Variants in TAFA4 observed in about 807,000 individuals in gnomAD.
TAFA4 encodes the protein chemokine-like protein TAFA-4.
Under a neutral mutation model 21.1 loss-of-function variants are expected in TAFA4, and 20 were observed. That is an observed-to-expected ratio of 0.95 (90% CI 0.67 to 1.38). The LOEUF is 1.38. Ranked by LOEUF, TAFA4 falls within the 40% of genes most tolerant of loss-of-function variation. TAFA4 has a pLI of 0.00. For synonymous variants in TAFA4, 71 were observed against 67.4 expected, an observed-to-expected ratio of 1.05 and a Z score of -0.26; for missense variants, 211 against 180.9, an observed-to-expected ratio of 1.17 and a Z score of -0.95.
rs1466735118 is a variant in TAFA4 at position 68,736,638 on chromosome 3, G to A, written c.411+2437C>T. On this transcript the variant is annotated intron_variant, in intron 5 of 5. Transcript: ENST00000295569. ...CAGTTTAGTTAATACGTCCTCTAGG[G>A]AGACAATTGCTCTGCTTTTCTAGGA... is the stretch of plus-strand genomic sequence containing the variant. Among the ~76,000 whole-genome samples the A allele has an allele frequency of 3.3e-5, 5 of 152,182 alleles. No homozygotes were observed. In the East Asian group the frequency reaches 7.7e-4, roughly 24 times the overall value.
At chr3:68,891,204 A>G (rs1376977266) in intron 1 of TAFA4, among the ~76,000 whole-genome samples, 1 of 152,254 alleles carries the variant, frequency 6.6e-6, no homozygotes, top group Non-Finnish European at 1.5e-5. Flanking sequence ...GAAGGAATTC[A>G]GCACCAAAAC....
At chr3:68,900,391 G>A (rs1304672658) in intron 1 of TAFA4, among the ~76,000 whole-genome samples, 1 of 151,858 alleles carries the variant, frequency 6.6e-6, no homozygotes. Context: ...AATTCCAATA[G>A]TATCCAGCTT....
intron 3 of TAFA4, among the ~76,000 whole-genome samples, chr3:68,783,717 G>A (rs201128397): frequency 0.063 from 4,164 of 66,274 alleles, 119 homozygotes; most frequent in Non-Finnish European, 0.11. Context: ...GAAAGAAAAA[G>A]AAAGAAAGAA....
chr3:68,878,699 C>T (rs1445528960), intron 3 of TAFA4, among the ~76,000 whole-genome samples: 1 of 152,178 alleles, frequency 6.6e-6, no homozygotes, highest in Admixed American at 6.5e-5. Context: ...TGTATGTGAT[C>T]TCCTGCCTGC....
intron 2 of TAFA4, 49 bp from the exon 3 acceptor site, chr3:68,880,894 C>A: frequency 6.7e-7 from 1 of 1,484,262 alleles, no homozygotes; most frequent in Admixed American, 1.7e-5. Context: ...GAAGGCCAGA[C>A]TCCCTGGCAA....
chr3:68,930,993 G>C (rs1471874288), intron 1 of TAFA4, among the ~76,000 whole-genome samples: 1 of 152,174 alleles, frequency 6.6e-6, no homozygotes, highest in African/African-American at 2.4e-5. Flanking sequence ...CTCAGCGAGT[G>C]TTCTAGAGGG....
chr3:68,735,337 G>C (rs1230934846), intron 5 of TAFA4, among the ~76,000 whole-genome samples: 1 of 152,068 alleles, frequency 6.6e-6, no homozygotes, highest in Non-Finnish European at 1.5e-5. Flanking sequence ...TCTCAACAGG[G>C]AGGGAACCTG....
intron 3 of TAFA4, among the ~76,000 whole-genome samples, chr3:68,785,216 A>C (rs1267817050): frequency 6.6e-6 from 1 of 152,252 alleles, no homozygotes; most frequent in African/African-American, 2.4e-5. Context: ...AAGGTTCTCC[A>C]AGTCCTCACC....
At chr3:68,930,060 G>GA (rs2090144797) in intron 1 of TAFA4, among the ~76,000 whole-genome samples, 1 of 152,120 alleles carries the variant, frequency 6.6e-6, no homozygotes, top group African/African-American at 2.4e-5. Context: ...GAGTGGTGCA[G>GA]AAAAAAAGCA....
At chr3:68,733,387 T>G (rs1702186535) in intron 5 of TAFA4, among the ~76,000 whole-genome samples, 1 of 152,196 alleles carries the variant, frequency 6.6e-6, no homozygotes, top group African/African-American at 2.4e-5. Flanking sequence ...AGTCTGGCTT[T>G]GTATTTGTGA....
Position 68,813,693 on chromosome 3 carries a change from A to G in TAFA4, c.131-60675T>C, listed in dbSNP as rs1339227635. 4.6e-5 allele frequency among the ~76,000 whole-genome samples: 7 copies of G among 152,152 alleles called. No individual in the cohort carries two copies. In the East Asian group the frequency reaches 1.3e-3, roughly 29 times the overall value. ...TAATTAATAGCTTACCAACCAAAAA[A>G]AGTCCAGGACCAGATGGATTCACAG... is the stretch of plus-strand genomic sequence containing the variant. On this transcript the variant is annotated intron_variant, in intron 3 of 5. Coordinates refer to ENST00000295569, the MANE Select transcript of TAFA4 (RefSeq NM_182522.5).
chr3:68,813,863 A>G (rs1446543092), intron 3 of TAFA4, among the ~76,000 whole-genome samples: 1 of 152,152 alleles, frequency 6.6e-6, no homozygotes, highest in Admixed American at 6.5e-5. Flanking sequence ...GACACAACAA[A>G]AAAAGAGAAT....
intron 3 of TAFA4, among the ~76,000 whole-genome samples, chr3:68,819,248 T>G (rs1704058532): frequency 7.6e-6 from 1 of 132,320 alleles, no homozygotes; most frequent in South Asian, 2.3e-4. Flanking sequence ...CCTGCCTGGG[T>G]GACAGAGTGA....
chr3:68,792,714 T>C (rs1012256788), intron 3 of TAFA4, among the ~76,000 whole-genome samples: 9 of 152,188 alleles, frequency 5.9e-5, no homozygotes, highest in Non-Finnish European at 1.2e-4. Context: ...ACATGTAATT[T>C]TGTAATTATT....
chr3:68,874,129 A>C (rs927086920), intron 3 of TAFA4, among the ~76,000 whole-genome samples: 1 of 152,208 alleles, frequency 6.6e-6, no homozygotes, highest in Non-Finnish European at 1.5e-5. Context: ...CAACAATCTC[A>C]GGCCCTTCTA....
chr3:68,884,982 T>C (rs1475266285), intron 2 of TAFA4, among the ~76,000 whole-genome samples, 193 bp downstream of exon 2: 1 of 152,256 alleles, frequency 6.6e-6, no homozygotes, highest in Non-Finnish European at 1.5e-5. Context: ...ACCAAAGTAC[T>C]ATTTTGCAAA....
At chr3:68,846,597 A>T (rs902390633) in intron 3 of TAFA4, among the ~76,000 whole-genome samples, 3 of 152,126 alleles carry the variant, frequency 2.0e-5, no homozygotes, top group Non-Finnish European at 4.4e-5. Flanking sequence ...GAGAAGAGGC[A>T]TTCTGGTTTT....
chr3:68,847,823 C>T (rs1704844912), intron 3 of TAFA4, among the ~76,000 whole-genome samples: 1 of 152,184 alleles, frequency 6.6e-6, no homozygotes, highest in African/African-American at 2.4e-5. Flanking sequence ...AGGTGTATAG[C>T]ATGCTTTAGA....
chr3:68,851,104 A>G (rs936175665), intron 3 of TAFA4, among the ~76,000 whole-genome samples: 6 of 152,212 alleles, frequency 3.9e-5, no homozygotes, highest in Non-Finnish European at 8.8e-5. Flanking sequence ...AATGTCCACC[A>G]ATGATAGACT....
Sources: gnomAD v4.1 joint callset for allele counts (sites outside exome capture counted in the v4.1 genomes callset) on GRCh38, gnomAD v4.1.1 for gene constraint, MANE v1.5 for transcripts, NCBI Gene and HGNC (gene_info 2026-07-23, HGNC 2026-07-21) for gene names.